Variants in NBAS observed in about 807,000 individuals in gnomAD.
The protein encoded by NBAS is NAG/BC035112 fusion.
In NBAS, 219 loss-of-function variants were observed where a neutral mutation model predicts 302.5. That is an observed-to-expected ratio of 0.72 (90% CI 0.65 to 0.81). The LOEUF is 0.81. Ranked by LOEUF, NBAS falls within the 30% of genes least tolerant of loss-of-function variation. The pLI, the probability that NBAS is intolerant of heterozygous loss-of-function variation, is 0.00. For missense variants in NBAS, 2,932 were observed against 2,841.6 expected, an observed-to-expected ratio of 1.03 and a Z score of -0.72; for synonymous variants, 1,118 against 1,021.6, an observed-to-expected ratio of 1.09 and a Z score of -1.80.
At chr2:14,912,390 C>G in the NBAS span, among the ~76,000 whole-genome samples, 23 of 152,272 alleles carry the variant, frequency 1.5e-4, no homozygotes, top group African/African-American at 5.3e-4. Context: ...AAAAGCCTAA[C>G]TCCAAATTTC....
intron 48 of NBAS, among the ~76,000 whole-genome samples, chr2:15,215,042 C>T (rs13432258): frequency 0.01 from 1,568 of 151,980 alleles, 36 homozygotes; most frequent in African/African-American, 0.036. Flanking sequence ...ATATTTTGCC[C>T]CATATTTTTC....
the NBAS span, among the ~76,000 whole-genome samples, chr2:15,102,971 A>T: frequency 1.2e-4 from 12 of 103,962 alleles, no homozygotes; most frequent in African/African-American, 5.3e-4. Context: ...ATGGGGAGGC[A>T]TTAAGGAGGA....
At chr2:14,786,378 T>C in the NBAS span, among the ~76,000 whole-genome samples, 1 of 152,178 alleles carries the variant, frequency 6.6e-6, no homozygotes, top group African/African-American at 2.4e-5. Context: ...TGAATGTGTT[T>C]GCTCTTGCTT....
chr2:15,225,588 G>A, intron 47 of NBAS, among the ~76,000 whole-genome samples: 1 of 152,158 alleles, frequency 6.6e-6, no homozygotes, highest in East Asian at 1.9e-4. Flanking sequence ...AATAAAGTCT[G>A]AATTATGTGA....
chr2:15,415,309 G>C (rs996549864), intron 25 of NBAS, among the ~76,000 whole-genome samples: 1 of 152,200 alleles, frequency 6.6e-6, no homozygotes, highest in African/African-American at 2.4e-5. Context: ...GGTATTGCCA[G>C]CTTCTTAAAT....
At chr2:15,319,881 C>T (rs536594915) in intron 38 of NBAS, among the ~76,000 whole-genome samples, 1 of 152,244 alleles carries the variant, frequency 6.6e-6, no homozygotes, top group African/African-American at 2.4e-5. Context: ...GGAATCTTCC[C>T]TAACTCATTT....
chr2:15,110,261 C>G, the NBAS span, among the ~76,000 whole-genome samples: 4 of 152,066 alleles, frequency 2.6e-5, no homozygotes, highest in African/African-American at 9.7e-5. Flanking sequence ...AAAGTCTACA[C>G]AGTAGGTAGT....
intron 49 of NBAS, among the ~76,000 whole-genome samples, 188 bp downstream of exon 49, chr2:15,190,075 TA>T (rs1665275869): frequency 6.6e-6 from 1 of 152,134 alleles, no homozygotes; most frequent in Non-Finnish European, 1.5e-5. Context: ...TATTAGAGTT[TA>T]GGGGCAAGGA....
chr2:14,830,477 G>A, the NBAS span, among the ~76,000 whole-genome samples: 1 of 152,108 alleles, frequency 6.6e-6, no homozygotes, highest in African/African-American at 2.4e-5. Flanking sequence ...TTGCAAGTTA[G>A]GAAGAAGAGC....
intron 7 of NBAS, among the ~76,000 whole-genome samples, chr2:15,538,670 C>T (rs372832456): frequency 6.6e-6 from 1 of 152,186 alleles, no homozygotes; most frequent in Non-Finnish European, 1.5e-5. Context: ...CTAGAAGAGA[C>T]ATTATTCACG....
the NBAS span, among the ~76,000 whole-genome samples, chr2:14,876,847 T>C: frequency 3.3e-4 from 50 of 152,378 alleles, no homozygotes; most frequent in African/African-American, 1.2e-3. Flanking sequence ...TTGCTATTCC[T>C]GATGTGTCCA....
chr2:15,328,530 C>A (rs1273817690), intron 36 of NBAS, among the ~76,000 whole-genome samples: 2 of 152,148 alleles, frequency 1.3e-5, no homozygotes, highest in African/African-American at 4.8e-5. Flanking sequence ...ATGCTAAGAG[C>A]AGCACATCAA....
At chr2:15,278,143 GTAGA>G (rs1451286848) in intron 42 of NBAS, among the ~76,000 whole-genome samples, 1 of 152,192 alleles carries the variant, frequency 6.6e-6, no homozygotes, top group Non-Finnish European at 1.5e-5. Flanking sequence ...TTTGGTTTAT[GTAGA>G]TAAAGTTAGT....
chr2:15,041,152 G>T, the NBAS span, among the ~76,000 whole-genome samples: 4 of 152,288 alleles, frequency 2.6e-5, no homozygotes, highest in Admixed American at 2.6e-4. Context: ...GAGCTACCTT[G>T]TGTCCCCTGA....
At chr2:15,158,191 C>T in the NBAS span, among the ~76,000 whole-genome samples, 4 of 152,202 alleles carry the variant, frequency 2.6e-5, no homozygotes, top group African/African-American at 7.2e-5. Flanking sequence ...CTGATAAATT[C>T]TCTGGCCCCT....
intron 35 of NBAS, among the ~76,000 whole-genome samples, chr2:15,341,215 G>A (rs1200640696): frequency 1.3e-5 from 2 of 152,082 alleles, no homozygotes; most frequent in East Asian, 3.9e-4. Flanking sequence ...GCAAAACCCT[G>A]TCTCTATTAA....
the NBAS span, among the ~76,000 whole-genome samples, chr2:14,780,154 C>T: frequency 1.3e-5 from 2 of 152,182 alleles, no homozygotes; most frequent in Non-Finnish European, 2.9e-5. Context: ...ACATCAGACA[C>T]TTTGCAGTAA....
chr2:14,903,024 C>T, the NBAS span, among the ~76,000 whole-genome samples: 1 of 151,834 alleles, frequency 6.6e-6, no homozygotes. Flanking sequence ...AAGACCCATC[C>T]CAGTGAAAGG....
the NBAS span, among the ~76,000 whole-genome samples, chr2:14,873,843 A>AT: frequency 0.056 from 8,338 of 148,912 alleles, 349 homozygotes; most frequent in African/African-American, 0.13. Context: ...ATTGCATTAC[A>AT]TTTTTTTTTT....
Sources: gnomAD v4.1 joint callset for allele counts (sites outside exome capture counted in the v4.1 genomes callset) on GRCh38, gnomAD v4.1.1 for gene constraint, MANE v1.5 for transcripts, NCBI Gene and HGNC (gene_info 2026-07-23, HGNC 2026-07-21) for gene names.